Variants in EIF4G3 observed in about 807,000 individuals in gnomAD.
EIF4G3 encodes eukaryotic translation initiation factor 4 gamma 3, also known as eIF-4-gamma 3.
EIF4G3 carries 34 observed loss-of-function variants against 186.4 expected under a neutral mutation model. The observed-to-expected ratio is 0.18, with a 90% CI of 0.14 to 0.24. EIF4G3 has a LOEUF of 0.24. Among genes scored for constraint, EIF4G3 ranks in the 10% least tolerant of loss-of-function variants. The pLI is 1.00. For synonymous variants in EIF4G3, 673 were observed against 679.5 expected (o/e 0.99, Z 0.15); for missense variants, 1,536 against 1,948.5 (o/e 0.79, Z 3.99).
At chr1:20,919,760 T>C (rs575440846) in intron 14 of EIF4G3, among the ~76,000 whole-genome samples, 7 of 152,306 alleles carry the variant, frequency 4.6e-5, no homozygotes, top group South Asian at 2.1e-4. Context: ...GCTATGAATT[T>C]TGAGAATCAC....
intron 33 of EIF4G3, among the ~76,000 whole-genome samples, chr1:20,820,287 C>T (rs2154545924): frequency 6.6e-6 from 1 of 152,312 alleles, no homozygotes; most frequent in African/African-American, 2.4e-5. Context: ...AAGGGGGAGC[C>T]CTGCCTCTTC....
At chr1:20,894,678 T>C (rs896890715) in intron 17 of EIF4G3, among the ~76,000 whole-genome samples, 2 of 152,314 alleles carry the variant, frequency 1.3e-5, no homozygotes, top group East Asian at 1.9e-4. Context: ...TTCCATAAGA[T>C]AGTTAATCTC....
At chr1:20,950,150 G>T in intron 12 of EIF4G3, 39 bp from the exon 13 acceptor site, 1 of 1,472,970 alleles carries the variant, frequency 6.8e-7, no homozygotes, top group South Asian at 1.4e-5. Flanking sequence ...TAATGAGCGT[G>T]CGAACATAAA....
At chr1:21,053,507 C>T (rs894418558) in intron 3 of EIF4G3, among the ~76,000 whole-genome samples, 2 of 145,030 alleles carry the variant, frequency 1.4e-5, no homozygotes, top group Non-Finnish European at 3.0e-5. Flanking sequence ...GTGAGGAGTC[C>T]CTCTGCCCGG....
chr1:21,123,510 G>A (rs6426670), intron 2 of EIF4G3, among the ~76,000 whole-genome samples: 141,854 of 150,270 alleles, frequency 0.94, 67,494 homozygotes, highest in Middle Eastern at 1. Context: ...GGTTACAGTG[G>A]GCCAAGATTG....
intron 2 of EIF4G3, chr1:21,175,251 C>T (rs1454407456): frequency 6.6e-6 from 1 of 152,146 alleles, no homozygotes; most frequent in Admixed American, 6.5e-5. Context: ...AACGTTTTAC[C>T]TTCACCGGCT....
At chr1:21,139,255 A>C (rs993740581) in intron 2 of EIF4G3, among the ~76,000 whole-genome samples, 2 of 152,176 alleles carry the variant, frequency 1.3e-5, no homozygotes, top group Non-Finnish European at 2.9e-5. Context: ...ATATCCATTG[A>C]GAAATAATCA....
intron 7 of EIF4G3, 60 bp downstream of exon 7, chr1:20,997,541 A>T: frequency 6.8e-7 from 1 of 1,461,956 alleles, no homozygotes; most frequent in Non-Finnish European, 9.4e-7. Flanking sequence ...AAGAGTCAGC[A>T]GCTACTAAAG....
intron 7 of EIF4G3, 54 bp from the exon 8 acceptor site, chr1:20,982,462 A>C: frequency 6.9e-7 from 1 of 1,453,292 alleles, no homozygotes; most frequent in Non-Finnish European, 9.2e-7. Flanking sequence ...CCAATGGAAA[A>C]GCTTACAGAT....
chr1:21,070,165 C>T (rs2095401819), intron 3 of EIF4G3, among the ~76,000 whole-genome samples: 2 of 151,982 alleles, frequency 1.3e-5, no homozygotes, highest in African/African-American at 2.4e-5. Context: ...AAACCATTTG[C>T]ATCTAGTGAT....
chr1:20,904,640 G>A lies in EIF4G3; in HGVS notation c.1752+243C>T, dbSNP rs888600298. Among the ~76,000 whole-genome samples, 135 of 152,202 alleles carry A rather than the reference G, an allele frequency of 8.9e-4. 1 individual carries two copies. The highest frequency in any genetic ancestry group is 1.2e-4 in the Non-Finnish European group (8 of 68,012). On this transcript the variant is annotated intron_variant, in intron 15 of 36. Transcript: ENST00000602326. Reference sequence around the variant, plus strand: ...TGGGATTACAGTTGTTAGCCACTGTGCCTGGCCAAGTTTGTTATTTTAAAA... The same window carrying A: ...TGGGATTACAGTTGTTAGCCACTGTACCTGGCCAAGTTTGTTATTTTAAAA...
intron 7 of EIF4G3, among the ~76,000 whole-genome samples, chr1:20,996,201 T>C (rs1043708018): frequency 5.9e-5 from 9 of 152,234 alleles, no homozygotes; most frequent in Admixed American, 1.3e-4. Context: ...CTTTTCATAA[T>C]AGTTTCAACA....
chr1:21,153,912 T>C (rs1368578365), intron 2 of EIF4G3, among the ~76,000 whole-genome samples: 2 of 151,960 alleles, frequency 1.3e-5, no homozygotes, highest in African/African-American at 2.4e-5. Context: ...CAGCAAAAGA[T>C]AGCTGCTGTG....
At chr1:20,946,440 AC>A (rs1479702816) in intron 13 of EIF4G3, among the ~76,000 whole-genome samples, 3 of 152,204 alleles carry the variant, frequency 2.0e-5, no homozygotes, top group Admixed American at 6.5e-5. Flanking sequence ...CTCTCTACAA[AC>A]CAATGTGAAG....
At chr1:20,953,520 T>G (rs192427398) in intron 12 of EIF4G3, among the ~76,000 whole-genome samples, 3 of 152,328 alleles carry the variant, frequency 2.0e-5, no homozygotes, top group Admixed American at 2.0e-4. Flanking sequence ...GGAATTCATT[T>G]TTTAAAAACA....
At chr1:21,084,139 A>T (rs1232222606) in intron 3 of EIF4G3, among the ~76,000 whole-genome samples, 1 of 151,972 alleles carries the variant, frequency 6.6e-6, no homozygotes, top group Non-Finnish European at 1.5e-5. Flanking sequence ...TATTATATCT[A>T]GATTAAAATC....
At chr1:21,174,508 A>G (rs529892059) in intron 2 of EIF4G3, among the ~76,000 whole-genome samples, 40 of 152,362 alleles carry the variant, frequency 2.6e-4, no homozygotes, top group Non-Finnish European at 5.3e-4. Context: ...GGTAATGAGT[A>G]ATTTACGTGG....
At chr1:21,121,997 A>G (rs1417160875) in intron 2 of EIF4G3, among the ~76,000 whole-genome samples, 1 of 152,118 alleles carries the variant, frequency 6.6e-6, no homozygotes, top group Non-Finnish European at 1.5e-5. Context: ...GAAGCTAAGC[A>G]ACAAAGAGGT....
rs756790966 is a variant in EIF4G3 at position 20,851,446 on chromosome 1, T to C, written c.3584A>G (p.Lys1195Arg). The C allele has an allele frequency of 1.2e-5, 19 of 1,614,026 alleles. No individual in the cohort carries two copies. The highest frequency in any genetic ancestry group is 6.7e-5 in the African/African-American group (5 of 74,906). Residue 1195 changes from lysine to arginine, a missense_variant, in exon 28 of 37, where the codon AAG becomes AGG. Lys to Arg is a conservative substitution (Grantham distance 26). Around this residue, in one of 11 missense-constraint regions of EIF4G3, gnomAD observed 395 missense variants for 498.9 expected, o/e 0.79. Coordinates refer to ENST00000602326, the MANE Select transcript of EIF4G3 (RefSeq NM_001391906.1). The stretch of plus-strand genomic sequence containing the variant: ...CCGAGCTGTTGCAGATGGAAGGGGC[T>C]TGTCATTCTTCTCCCTGCCCATACT... ...RGSMGREKNDKPLPSATARPN... is the reference protein window; with the variant it reads ...RGSMGREKNDRPLPSATARPN...
Sources: allele counts gnomAD v4.1 joint callset (sites outside exome capture counted in the v4.1 genomes callset), GRCh38; gene constraint gnomAD v4.1.1; regional missense constraint gnomAD v4.1.1; transcripts MANE v1.5; gene names NCBI Gene and HGNC (gene_info 2026-07-23, HGNC 2026-07-21).